The following PCNX1 variants were observed in gnomAD, a reference collection of about 807,000 sequenced individuals.
The protein encoded by PCNX1 is pecanex 1.
Under a neutral mutation model 242.2 loss-of-function variants are expected in PCNX1, and 78 were observed. That is an observed-to-expected ratio of 0.32 (90% CI 0.27 to 0.39). The LOEUF (loss-of-function observed/expected upper bound fraction) is 0.39. PCNX1 is among the 10% of genes least tolerant of loss of function. The probability of loss-of-function intolerance (pLI) is 1.00; values close to 1 mark genes in which losing one functional copy is unlikely to be tolerated. For synonymous variants in PCNX1, 1,024 were observed against 1,032.9 expected (o/e 0.99, Z 0.17); for missense variants, 2,581 against 2,856.5 (o/e 0.90, Z 2.20).
intron 33 of PCNX1, among the ~76,000 whole-genome samples, chr14:71,108,226 A>G (rs1223819382): frequency 1.3e-5 from 2 of 152,172 alleles, no homozygotes; most frequent in Non-Finnish European, 2.9e-5. Flanking sequence ...TTTCCGTGAG[A>G]TATTTCATTT....
intron 1 of PCNX1, among the ~76,000 whole-genome samples, chr14:70,927,194 C>G (rs1427130429): frequency 6.6e-6 from 1 of 152,136 alleles, no homozygotes; most frequent in East Asian, 1.9e-4. Context: ...TATTAACATT[C>G]CTTAGTAGAA....
intron 11 of PCNX1, among the ~76,000 whole-genome samples, chr14:71,014,616 T>C (rs2059910665): frequency 2.0e-5 from 3 of 152,134 alleles, no homozygotes; most frequent in Admixed American, 6.5e-5. Flanking sequence ...TAATGGTAGA[T>C]TGCACCTTGT....
intron 28 of PCNX1, among the ~76,000 whole-genome samples, chr14:71,077,499 G>A (rs1319914238): frequency 6.6e-6 from 1 of 152,158 alleles, no homozygotes; most frequent in Non-Finnish European, 1.5e-5. Context: ...ACCACTTAGA[G>A]TAAGACAGCC....
chr14:71,055,531 C>T lies in PCNX1; in HGVS notation c.4605C>T (p.Thr1535=), dbSNP rs1245034328. 2.5e-6 allele frequency: 4 copies of T among 1,606,174 alleles called. No homozygotes were observed. The highest frequency in any genetic ancestry group is 3.4e-6 in the Non-Finnish European group (4 of 1,173,996). The change falls in exon 25 of 36, where the codon ACC becomes ACT. Residue 1535 remains threonine (T), a synonymous_variant. Coordinates refer to ENST00000304743, the MANE Select transcript of PCNX1 (RefSeq NM_014982.3). ...CAAAACGAGTGGATCATTCAAATAC[C>T]AGATTGGCTTCCCAGCTTGATAGAA... The part of the protein sequence containing the change: ...YNTKRVDHSN[T]RLASQLDRNP...
intron 2 of PCNX1, 88 bp downstream of exon 2, chr14:70,947,211 C>G (rs1447050697): frequency 9.9e-7 from 1 of 1,008,724 alleles, no homozygotes; most frequent in East Asian, 2.6e-5. Flanking sequence ...TACTTGTTTT[C>G]TTTATATGGT....
chr14:70,908,098 C>A, intron 1 of PCNX1, 95 bp downstream of exon 1: 1 of 1,196,986 alleles, frequency 8.4e-7, no homozygotes, highest in Non-Finnish European at 1.1e-6. Context: ...GGGGTCTCGT[C>A]CCCCGGGGGC....
intron 1 of PCNX1, among the ~76,000 whole-genome samples, chr14:70,918,197 T>C (rs978911752): frequency 6.6e-5 from 10 of 152,244 alleles, no homozygotes; most frequent in Non-Finnish European, 1.5e-4. Context: ...GTAGCACTTG[T>C]AATATTCTTC....
intron 19 of PCNX1, among the ~76,000 whole-genome samples, chr14:71,038,960 A>T (rs2060625668): frequency 6.6e-6 from 1 of 151,328 alleles, no homozygotes; most frequent in Non-Finnish European, 1.5e-5. Context: ...TTCTCAGTAA[A>T]CTATCGCAAG....
chr14:71,022,436 C>T (rs891918129), intron 12 of PCNX1, among the ~76,000 whole-genome samples: 1 of 152,104 alleles, frequency 6.6e-6, no homozygotes, highest in African/African-American at 2.4e-5. Context: ...AGAAGATAGG[C>T]GCTGTGGTTA....
intron 2 of PCNX1, among the ~76,000 whole-genome samples, chr14:70,955,350 G>T (rs763006302): frequency 1.3e-5 from 2 of 152,130 alleles, no homozygotes; most frequent in Non-Finnish European, 2.9e-5. Context: ...TTGTTCCTGT[G>T]AATATAGGAA....
chr14:71,024,032 A>G (rs188651763), intron 13 of PCNX1, among the ~76,000 whole-genome samples: 1 of 152,150 alleles, frequency 6.6e-6, no homozygotes, highest in Non-Finnish European at 1.5e-5. Context: ...TTTTGACGTA[A>G]TTTCAAACTT....
chr14:71,108,617 C>T lies in PCNX1; in HGVS notation c.6315C>T (p.Ser2105=), dbSNP rs1000596200. 2 of 1,610,668 alleles carry T rather than the reference C, an allele frequency of 1.2e-6. No homozygotes were observed. Among genetic ancestry groups the T allele is most frequent in the Non-Finnish European group, 1.7e-6 (2 of 1,177,648 alleles). The part of the protein sequence containing the change: ...SYPPTLGTSH[S]SHSVQSGLVR... ...TTCTCCTCCTAGGCACTAGCCACAG[C>T]TCTCACTCTGTGCAGTCGGGCCTGG... is the stretch of plus-strand genomic sequence containing the variant. The change falls in exon 34 of 36, where the codon AGC becomes AGT. Residue 2105 remains serine, a synonymous_variant. Coordinates refer to ENST00000304743, the MANE Select transcript of PCNX1 (RefSeq NM_014982.3).
At chr14:70,991,062 A>C (rs1288400954) in intron 7 of PCNX1, among the ~76,000 whole-genome samples, 1 of 152,116 alleles carries the variant, frequency 6.6e-6, no homozygotes, top group Non-Finnish European at 1.5e-5. Context: ...ATGCAGACAA[A>C]TTAGTTTTTT....
intron 1 of PCNX1, among the ~76,000 whole-genome samples, chr14:70,942,590 T>A (rs1195134447): frequency 6.6e-6 from 1 of 152,202 alleles, no homozygotes; most frequent in Admixed American, 6.5e-5. Context: ...ACTGTCTACC[T>A]GGAGATACTA....
chr14:71,069,158 A>G (rs1188167080), intron 26 of PCNX1, among the ~76,000 whole-genome samples: 1 of 152,134 alleles, frequency 6.6e-6, no homozygotes, highest in African/African-American at 2.4e-5. Flanking sequence ...AGACTTACTT[A>G]CTACCACAAG....
At chr14:70,969,262 A>T in intron 5 of PCNX1, 152 bp downstream of exon 5, 1 of 592,046 alleles carries the variant, frequency 1.7e-6, no homozygotes, top group Non-Finnish European at 3.1e-6. Flanking sequence ...GATAGTAGTA[A>T]TACAGAGTTA....
At chr14:71,071,991 T>C (rs569895593) in intron 26 of PCNX1, among the ~76,000 whole-genome samples, 1 of 152,288 alleles carries the variant, frequency 6.6e-6, no homozygotes, top group South Asian at 2.1e-4. Flanking sequence ...TCAATTTAAG[T>C]TTGCCATCTT....
intron 26 of PCNX1, among the ~76,000 whole-genome samples, chr14:71,058,942 C>G (rs2061253237): frequency 6.6e-6 from 1 of 152,178 alleles, no homozygotes. Context: ...CTGTTCAATC[C>G]TAATCCAACT....
At chr14:70,976,665 G>A (rs1243712535) in intron 5 of PCNX1, among the ~76,000 whole-genome samples, 1 of 152,026 alleles carries the variant, frequency 6.6e-6, no homozygotes, top group Non-Finnish European at 1.5e-5. Context: ...GAGCCACTGC[G>A]CCCGGCCCCT....
Sources: gnomAD v4.1 joint callset for allele counts (sites outside exome capture counted in the v4.1 genomes callset) on GRCh38, gnomAD v4.1.1 for gene constraint, MANE v1.5 for transcripts, NCBI Gene and HGNC (gene_info 2026-07-23, HGNC 2026-07-21) for gene names.